The following UHRF1 variants were observed in gnomAD, a reference collection of about 807,000 sequenced individuals.
UHRF1 encodes the protein E3 ubiquitin-protein ligase UHRF1.
Under a neutral mutation model 96.5 loss-of-function variants are expected in UHRF1, and 9 were observed. The observed-to-expected ratio is 0.09, with a 90% confidence interval of 0.06 to 0.16. The LOEUF (loss-of-function observed/expected upper bound fraction) is 0.16. Among genes scored for constraint, UHRF1 ranks in the 10% least tolerant of loss-of-function variants. UHRF1 has a pLI of 1.00. For missense variants in UHRF1, 626 were observed against 1,131.1 expected, an observed-to-expected ratio of 0.55 and a Z score of 6.40; for synonymous variants, 455 against 469.9, an observed-to-expected ratio of 0.97 and a Z score of 0.41.
chr19:4,953,691 C>T (rs966444244), intron 13 of UHRF1, among the ~76,000 whole-genome samples: 1 of 152,136 alleles, frequency 6.6e-6, no homozygotes, highest in African/African-American at 2.4e-5. Flanking sequence ...GTCTCAAACT[C>T]CTGGGCTCAA....
chr19:4,919,346 A>G (rs1599248483), intron 2 of UHRF1, among the ~76,000 whole-genome samples: 1 of 151,428 alleles, frequency 6.6e-6, no homozygotes, highest in South Asian at 2.1e-4. Flanking sequence ...TCTGTCACCC[A>G]GGCTAGAGTG....
chr19:4,923,827 C>T (rs1369400135), intron 2 of UHRF1, among the ~76,000 whole-genome samples: 1 of 152,230 alleles, frequency 6.6e-6, no homozygotes, highest in African/African-American at 2.4e-5. Flanking sequence ...TGATCAGACC[C>T]CAAATGTCAG....
intron 2 of UHRF1, among the ~76,000 whole-genome samples, chr19:4,927,624 C>T (rs972251452): frequency 3.3e-4 from 51 of 152,312 alleles, no homozygotes; most frequent in African/African-American, 1.1e-3. Context: ...TCTCTCCTCC[C>T]TTTTCCTAAG....
At chr19:4,939,218 ATTTTTTTT>A (rs35132707) in intron 5 of UHRF1, among the ~76,000 whole-genome samples, 1 of 120,814 alleles carries the variant, frequency 8.3e-6, no homozygotes, top group Admixed American at 8.8e-5. Context: ...GCACCCGGCC[ATTTTTTTT>A]TTTTTTTTTT....
chr19:4,906,237 T>C (rs2032061730), upstream of UHRF1, among the ~76,000 whole-genome samples: 1 of 152,154 alleles, frequency 6.6e-6, no homozygotes, highest in East Asian at 1.9e-4. Context: ...CCTCGGCCTC[T>C]CAAAGTGCTG....
At chr19:4,956,058 C>T (rs1010015322) in intron 15 of UHRF1, among the ~76,000 whole-genome samples, 20 of 152,068 alleles carry the variant, frequency 1.3e-4, no homozygotes, top group Admixed American at 1.3e-4. Flanking sequence ...TCTCAGCCTC[C>T]CAAGTACCTG....
At chr19:4,947,074 A>G in intron 10 of UHRF1, 31 bp from the exon 11 acceptor site, 5 of 1,529,522 alleles carry the variant, frequency 3.3e-6, no homozygotes, top group Non-Finnish European at 3.6e-6. Context: ...GCCTCTGCAG[A>G]GGGTTCACCC....
In UHRF1 at chr19:4,943,778, G is replaced by C. The variant is rs375969964; in HGVS notation, c.1074-354G>C. Among the ~76,000 whole-genome samples the C allele has an allele frequency of 3.9e-5, 6 of 152,158 alleles. No homozygotes were observed. The East Asian group carries it at 5.8e-4, about 15-fold the overall frequency. On this transcript the variant is annotated intron_variant, in intron 7 of 16. Transcript: ENST00000650932. The stretch of plus-strand genomic sequence containing the variant: ...CGATTCTCCTGCCTCAGCCTCCCAA[G>C]TAGCTGGGATTACAGGTGCCCACCA...
chr19:4,938,056 A>C (rs1431524132), intron 5 of UHRF1, among the ~76,000 whole-genome samples: 1 of 151,860 alleles, frequency 6.6e-6, no homozygotes, highest in Non-Finnish European at 1.5e-5. Flanking sequence ...TGGGAGGCTG[A>C]GGCAGGAGAA....
Position 4,944,366 on chromosome 19 carries a change from C to T in UHRF1, c.1221C>T (p.Thr407=). The T allele has an allele frequency of 1.2e-6, 2 of 1,614,034 alleles. No homozygotes were observed. Among genetic ancestry groups the T allele is most frequent in the Middle Eastern group, 1.6e-4 (1 of 6,062 alleles). ...WGKGMACVGR[T]KECTIVPSNH... ...AGGGCATGGCCTGTGTGGGCCGCACCAAGGAATGTACCATCGTCCCGTCCA... is the reference window on the plus strand; with the variant it reads ...AGGGCATGGCCTGTGTGGGCCGCACTAAGGAATGTACCATCGTCCCGTCCA... Residue 407 remains threonine, a synonymous_variant, in exon 9 of 17, where the codon ACC becomes ACT. Coordinates refer to ENST00000650932, the MANE Select transcript of UHRF1 (RefSeq NM_001048201.3).
intron 15 of UHRF1, 59 bp from the exon 16 acceptor site, chr19:4,956,650 T>G: frequency 1.8e-6 from 2 of 1,086,084 alleles, no homozygotes; most frequent in Non-Finnish European, 2.8e-6. Flanking sequence ...AGGAAGCCAC[T>G]GATCTGTGGG....
intron 2 of UHRF1, among the ~76,000 whole-genome samples, chr19:4,920,244 C>T (rs951242772): frequency 2.6e-5 from 4 of 152,052 alleles, no homozygotes; most frequent in African/African-American, 9.7e-5. Flanking sequence ...TCAGCCTGGC[C>T]AACATGGTGA....
intron 9 of UHRF1, 122 bp downstream of exon 9, chr19:4,944,572 C>T (rs543593056): frequency 3.8e-5 from 41 of 1,065,156 alleles, no homozygotes; most frequent in Non-Finnish European, 5.0e-5. Flanking sequence ...CTCGGCTAGC[C>T]GAGGAGGGGT....
chr19:4,938,740 T>TG (rs2146351287), intron 5 of UHRF1, among the ~76,000 whole-genome samples: 1 of 108,134 alleles, frequency 9.2e-6, no homozygotes, highest in African/African-American at 3.6e-5. Context: ...GTTTTTTTTT[T>TG]TTTTTTTTTT....
intron 6 of UHRF1, 54 bp downstream of exon 6, chr19:4,941,682 C>T: frequency 6.3e-7 from 1 of 1,576,466 alleles, no homozygotes; most frequent in Non-Finnish European, 8.6e-7. Context: ...GGGGCGGGGG[C>T]TCTTGTCCCG....
chr19:4,941,439 C>T (rs2033396042), intron 5 of UHRF1, 89 bp from the exon 6 acceptor site: 4 of 975,914 alleles, frequency 4.1e-6, no homozygotes, highest in East Asian at 2.6e-5. Context: ...TTGCCCCAGG[C>T]ATCCCGAGAA....
At chr19:4,949,473 G>GACACACACACAC (rs10580944) in intron 11 of UHRF1, among the ~76,000 whole-genome samples, 136 of 147,842 alleles carry the variant, frequency 9.2e-4, no homozygotes, top group African/African-American at 3.0e-3. Context: ...TTGGCACATA[G>GACACACACACAC]ACACACACAC....
chr19:4,915,355 C>G (rs906983549), intron 2 of UHRF1, among the ~76,000 whole-genome samples: 2 of 152,146 alleles, frequency 1.3e-5, no homozygotes, highest in Non-Finnish European at 2.9e-5. Context: ...GTTGTGGCCC[C>G]GAAGCAGCTG....
intron 2 of UHRF1, among the ~76,000 whole-genome samples, chr19:4,915,521 G>A (rs1599241893): frequency 6.6e-6 from 1 of 152,046 alleles, no homozygotes; most frequent in Non-Finnish European, 1.5e-5. Context: ...CTAGAACAGC[G>A]TGCCAACATG....
Sources: gnomAD v4.1 joint callset for allele counts (sites outside exome capture counted in the v4.1 genomes callset) on GRCh38, gnomAD v4.1.1 for gene constraint, MANE v1.5 for transcripts, NCBI Gene and HGNC (gene_info 2026-07-23, HGNC 2026-07-21) for gene names.